ADAMTS15: variants seen among roughly 807,000 people sequenced by gnomAD.
The protein encoded by ADAMTS15 is A disintegrin and metalloproteinase with thrombospondin motifs 15.
ADAMTS15 carries 35 observed loss-of-function variants against 79.1 expected under a neutral mutation model. That is an observed-to-expected ratio of 0.44 (90% CI 0.34 to 0.59). The LOEUF (loss-of-function observed/expected upper bound fraction) is 0.59. ADAMTS15 is among the 20% of genes least tolerant of loss of function. ADAMTS15 has a pLI of 0.02. For missense variants in ADAMTS15, 1,324 were observed against 1,318.7 expected (o/e 1.00, Z -0.06); for synonymous variants, 616 against 567.3 (o/e 1.09, Z -1.22).
intron 4 of ADAMTS15, among the ~76,000 whole-genome samples, chr11:130,468,402 G>A (rs979655749): frequency 6.6e-6 from 1 of 151,800 alleles, no homozygotes; most frequent in East Asian, 1.9e-4. Context: ...AGGCTGAGAA[G>A]GGCGGATCAC....
chr11:130,470,158 A>ATATATATATATATATATATGTG (rs1565397659), intron 5 of ADAMTS15, among the ~76,000 whole-genome samples: 29 of 50,008 alleles, frequency 5.8e-4, no homozygotes, highest in African/African-American at 1.3e-3. Context: ...ATATGTGTAT[A>ATATATATATATATATATATGTG]TATATATATA....
At position 130,470,934 on chromosome 11, in the gene ADAMTS15, T is replaced by C. The variant is rs1316155498; in HGVS notation, c.1735T>C (p.Phe579Leu). ...PCPSSASGKSFREEQCEAFNG... is the reference protein window; with the variant it reads ...PCPSSASGKSLREEQCEAFNG... ...TCCCTCCCTAGCCTCCGGAAAGAGC[T>C]TCCGGGAGGAGCAGTGTGAGGCTTT... is the stretch of plus-strand genomic sequence containing the variant. Residue 579 changes from phenylalanine (F) to leucine (L), a missense_variant, in exon 6 of 8, where the codon TTC becomes CTC. By Grantham distance (22) the Phe-to-Leu change is conservative (BLOSUM62 0). Transcript: ENST00000299164. The C allele has an allele frequency of 6.2e-7, 1 of 1,613,396 alleles. No individual in the cohort carries two copies. The highest frequency in any genetic ancestry group is 8.5e-7 in the Non-Finnish European group (1 of 1,179,914).
intron 1 of ADAMTS15, chr11:130,450,402 G>C (rs1254898265): frequency 1.0e-6 from 1 of 985,352 alleles, no homozygotes; most frequent in Non-Finnish European, 1.2e-6. Context: ...GTCAGCGCTT[G>C]CTACATTTCT....
At chr11:130,450,148 C>T (rs530459564) in intron 1 of ADAMTS15, 1 of 985,474 alleles carries the variant, frequency 1.0e-6, no homozygotes, top group African/African-American at 1.7e-5. Flanking sequence ...GGAGAGCCTG[C>T]GCTTTCCGAA....
chr11:130,471,117 G>A lies in ADAMTS15; in HGVS notation c.1902+16G>A, dbSNP rs1220476350. 2.5e-6 allele frequency: 4 copies of A among 1,607,622 alleles called. No homozygotes were observed. The highest frequency in any genetic ancestry group is 3.4e-5 in the Admixed American group (2 of 59,526). ...GGCACCCAAGGTGAGTGAGCCTGGG[G>A]CCTGAGAACAAAGTAGGGACCAGGT... On this transcript the variant is annotated intron_variant, in intron 6 of 7. Coordinates refer to ENST00000299164, the MANE Select transcript of ADAMTS15 (RefSeq NM_139055.4).
intron 5 of ADAMTS15, 59 bp downstream of exon 5, chr11:130,469,498 C>T (rs1938377843): frequency 8.1e-7 from 1 of 1,239,138 alleles, no homozygotes; most frequent in Non-Finnish European, 1.0e-6. Context: ...GGAGGTCCCC[C>T]CACCCCACCC....
In ADAMTS15 at chr11:130,473,703, G is replaced by T; in HGVS notation, c.2735G>T (p.Gly912Val). 6.2e-7 allele frequency: 1 copy of T among 1,601,310 alleles called. No homozygotes were observed. The highest frequency in any genetic ancestry group is 8.5e-7 in the Non-Finnish European group (1 of 1,179,896). The change falls in exon 8 of 8, where the codon GGA becomes GTA. Residue 912 changes from glycine (G) to valine (V), a missense_variant. Transcript: ENST00000299164. ...CCCTGCTCCAAGAGCTGCGGCCGGGGATTTCAGAGGCGCTCACTCAAGTGT... is the reference window on the plus strand; with the variant it reads ...CCCTGCTCCAAGAGCTGCGGCCGGGTATTTCAGAGGCGCTCACTCAAGTGT... ...WSPCSKSCGRGFQRRSLKCVG... is the reference protein window; with the variant it reads ...WSPCSKSCGRVFQRRSLKCVG...
Position 130,448,951 on chromosome 11 carries a change from GC to G in ADAMTS15, c.-22del. On this transcript the variant is annotated 5_prime_UTR_variant, in exon 1 of 8. Transcript: ENST00000299164. ...GCCCGGCCCAGCCCCTTCCCACAGC[GC>G]GGCGGTGCGCTGCCCGGCGCCATGC... 1 of 1,476,464 alleles carries G rather than the reference GC, an allele frequency of 6.8e-7. No individual in the cohort carries two copies. The allele number at this position is 1,476,464 out of a possible 1,614,324, so 91.5% of individuals were successfully genotyped here.
At chr11:130,464,382 T>G (rs1298221966) in intron 4 of ADAMTS15, among the ~76,000 whole-genome samples, 1 of 152,128 alleles carries the variant, frequency 6.6e-6, no homozygotes, top group Non-Finnish European at 1.5e-5. Context: ...CAGGAAACCT[T>G]CATGGAAGTC....
chr11:130,470,134 A>ACG (rs1555081000), intron 5 of ADAMTS15, among the ~76,000 whole-genome samples: 9 of 71,008 alleles, frequency 1.3e-4, no homozygotes, highest in East Asian at 3.4e-4. Context: ...ATATATATAC[A>ACG]TATATATATA....
intron 5 of ADAMTS15, among the ~76,000 whole-genome samples, chr11:130,470,178 A>ATG (rs1938412851): frequency 1.9e-5 from 1 of 51,578 alleles, no homozygotes; most frequent in Non-Finnish European, 3.6e-5. Context: ...ATATATATAT[A>ATG]TATGTGTGTA....
intron 7 of ADAMTS15, 37 bp downstream of exon 7, chr11:130,471,420 A>C (rs1346531385): frequency 1.9e-6 from 3 of 1,585,128 alleles, no homozygotes; most frequent in African/African-American, 1.4e-5. Flanking sequence ...CCAGGGAGCA[A>C]AGGGAGGGAG....
At position 130,466,582 on chromosome 11, in the gene ADAMTS15, C is replaced by T. The variant is rs1261214890; in HGVS notation, c.1543-2680C>T. Among the ~76,000 whole-genome samples the T allele has an allele frequency of 2.0e-5, 3 of 152,180 alleles. No homozygotes were observed. In the East Asian group the frequency reaches 5.8e-4, roughly 29 times the overall value. On this transcript the variant is annotated intron_variant, in intron 4 of 7. Coordinates refer to ENST00000299164, the MANE Select transcript of ADAMTS15 (RefSeq NM_139055.4). ...GGATCATTTCTCACCACTTCATCTG[C>T]TCTCACCCTGGTCCCAGCCACCACC...
At chr11:130,453,290 T>TG in intron 1 of ADAMTS15, among the ~76,000 whole-genome samples, 1 of 151,960 alleles carries the variant, frequency 6.6e-6, no homozygotes, top group Non-Finnish European at 1.5e-5. Flanking sequence ...TTTTTTTTTT[T>TG]TTTTTAGGAC....
chr11:130,452,531 TTC>T, intron 1 of ADAMTS15, among the ~76,000 whole-genome samples: 1 of 152,378 alleles, frequency 6.6e-6, no homozygotes, highest in East Asian at 1.9e-4. Flanking sequence ...TCCCTGAGAC[TTC>T]TCTGTCTTTA....
intron 4 of ADAMTS15, 86 bp from the exon 5 acceptor site, chr11:130,469,176 G>T: frequency 8.2e-7 from 1 of 1,213,326 alleles, no homozygotes; most frequent in Non-Finnish European, 1.1e-6. Context: ...AGAACTTGGA[G>T]GCTGTACAGT....
intron 4 of ADAMTS15, among the ~76,000 whole-genome samples, chr11:130,463,904 G>A (rs1215617980): frequency 1.3e-5 from 2 of 152,204 alleles, no homozygotes; most frequent in Non-Finnish European, 2.9e-5. Context: ...TGTCACGGGA[G>A]AACCAGGGTC....
At chr11:130,456,961 G>A (rs931758980) in intron 1 of ADAMTS15, among the ~76,000 whole-genome samples, 2 of 152,194 alleles carry the variant, frequency 1.3e-5, no homozygotes, top group Non-Finnish European at 2.9e-5. Context: ...GGCCAGGTGC[G>A]GTGGCTCATG....
At position 130,476,564 on chromosome 11, in the gene ADAMTS15, G is replaced by T. The variant is rs1167114059; in HGVS notation, c.*2743G>T. 1 of 152,308 alleles carries T rather than the reference G, an allele frequency of 6.6e-6. No individual in the cohort carries two copies. The highest frequency in any genetic ancestry group is 2.4e-5 in the African/African-American group (1 of 41,434). 9.4% of individuals were successfully genotyped at this position (152,308 alleles called of 1,614,324 possible). A position where few individuals can be genotyped will look rare whatever the true frequency, so the allele number is the denominator to read the frequency against. ...GAAGGACCTGGGTGCTGGCTGGGCT[G>T]TGTATACTGTGTATACAAGGGAGCT... On this transcript the variant is annotated 3_prime_UTR_variant, in exon 8 of 8. Coordinates refer to ENST00000299164, the MANE Select transcript of ADAMTS15 (RefSeq NM_139055.4).
Sources: allele counts gnomAD v4.1 joint callset (sites outside exome capture counted in the v4.1 genomes callset), GRCh38; gene constraint gnomAD v4.1.1; transcripts MANE v1.5; gene names NCBI Gene and HGNC (gene_info 2026-07-23, HGNC 2026-07-21).